The following CCDC74A variants were observed in gnomAD, a reference collection of about 807,000 sequenced individuals.
CCDC74A encodes coiled-coil domain-containing protein 74A.
A neutral mutation model predicts 37.6 loss-of-function variants in CCDC74A; 38 were observed. The ratio of observed to expected loss-of-function variants is 1.01; its 90% CI spans 0.78 to 1.33. The LOEUF is 1.33. CCDC74A is among the 40% of genes most tolerant of loss of function. CCDC74A has a pLI of 0.00. For missense variants in CCDC74A, 340 were observed against 403.4 expected (o/e 0.84, Z 1.35); for synonymous variants, 134 against 165.2 (o/e 0.81, Z 1.45).
chr2:131,522,667 C>T, the CCDC74A span, among the ~76,000 whole-genome samples: 21 of 152,132 alleles, frequency 1.4e-4, no homozygotes, highest in Non-Finnish European at 2.4e-4. Flanking sequence ...TGCCCCGAGG[C>T]AATCCCATTC....
chr2:131,526,159 T>TC, upstream of CCDC74A, among the ~76,000 whole-genome samples: 1 of 150,030 alleles, frequency 6.7e-6, no homozygotes, highest in Non-Finnish European at 1.5e-5. Flanking sequence ...TTTTTTTTTT[T>TC]TTTCTGAGAT....
chr2:131,531,638 G>A lies in CCDC74A; in HGVS notation c.347-26G>A, dbSNP rs368427302. On this transcript the variant is annotated intron_variant, in intron 3 of 7. Coordinates refer to ENST00000409856, the MANE Select transcript of CCDC74A (RefSeq NM_001258306.3). ...GTGCCTGCAGTGACCGGCCTTGTAG[G>A]GTCTGACTTGCAGCCAACTCTCAAG... 3,954 of 1,536,860 alleles carry A rather than the reference G, an allele frequency of 2.6e-3. 81 individuals carry two copies. The African/African-American group carries it at 0.058, about 23-fold the overall frequency.
chr2:131,530,094 C>G (rs1380770787), intron 2 of CCDC74A: 2 of 1,550,218 alleles, frequency 1.3e-6, no homozygotes, highest in Non-Finnish European at 1.7e-6. Flanking sequence ...TGCTGGGGGC[C>G]CAGGGGCTCT....
Position 131,532,858 on chromosome 2 carries a change from T to A in CCDC74A, c.679-6T>A, listed in dbSNP as rs375622068. On this transcript the variant is annotated splice_polypyrimidine_tract_variant and splice_region_variant and intron_variant, in intron 5 of 7. Transcript: ENST00000409856. ...GCCCCACCATGCCCCTGCCCCTGCCTTTCAGCTGCGGCACCTCAAGTCCCT... is the reference window on the plus strand; with the variant it reads ...GCCCCACCATGCCCCTGCCCCTGCCATTCAGCTGCGGCACCTCAAGTCCCT... The A allele has an allele frequency of 6.8e-6, 11 of 1,613,178 alleles. No homozygotes were observed. In the African/African-American group the frequency reaches 1.5e-4, roughly 22 times the overall value.
chr2:131,531,358 G>A (rs896592880), intron 3 of CCDC74A, among the ~76,000 whole-genome samples: 12 of 151,954 alleles, frequency 7.9e-5, no homozygotes, highest in Non-Finnish European at 1.2e-4. Context: ...TGTCCTTGCC[G>A]AGGAAACCCA....
chr2:131,533,647 T>G lies in CCDC74A; in HGVS notation c.*249T>G. On this transcript the variant is annotated 3_prime_UTR_variant, in exon 8 of 8. Coordinates refer to ENST00000409856, the MANE Select transcript of CCDC74A (RefSeq NM_001258306.3). Reference sequence around the variant, plus strand: ...TCGCCTTACCTGTTGAAACTGAAAATAAAGCTTGTTTATTTCCAAGTTGTG... The same window carrying G: ...TCGCCTTACCTGTTGAAACTGAAAAGAAAGCTTGTTTATTTCCAAGTTGTG... The G allele has an allele frequency of 5.6e-6, 3 of 534,946 alleles. No homozygotes were observed. 33.1% of individuals were successfully genotyped at this position (534,946 alleles called of 1,614,324 possible). A position where few individuals can be genotyped will look rare whatever the true frequency, so the allele number is the denominator to read the frequency against.
chr2:131,528,668 A>G (rs920296348), intron 1 of CCDC74A: 18 of 474,482 alleles, frequency 3.8e-5, no homozygotes, highest in Admixed American at 1.2e-4. Context: ...ACAATTAGCT[A>G]GGCGTGGTGG....
At chr2:131,523,766 G>A (rs1680206947), upstream of CCDC74A, among the ~76,000 whole-genome samples, 1 of 152,184 alleles carries the variant, frequency 6.6e-6, no homozygotes, top group Non-Finnish European at 1.5e-5. Flanking sequence ...TGTGCATTAA[G>A]AGACAAAGTA....
At chr2:131,525,216 T>C (rs1438784047), upstream of CCDC74A, among the ~76,000 whole-genome samples, 2 of 152,252 alleles carry the variant, frequency 1.3e-5, no homozygotes, top group Non-Finnish European at 2.9e-5. Flanking sequence ...CCTTCTCTAA[T>C]GCACTTCCCT....
At chr2:131,528,638 G>C in intron 1 of CCDC74A, 1 of 634,418 alleles carries the variant, frequency 1.6e-6, no homozygotes, top group Non-Finnish European at 2.8e-6. Flanking sequence ...GTGAAATCTC[G>C]TCTCTACTAA....
intron 2 of CCDC74A, chr2:131,530,357 T>G: frequency 3.9e-6 from 6 of 1,546,688 alleles, no homozygotes; most frequent in Non-Finnish European, 5.2e-6. Flanking sequence ...GCTGGGGCAG[T>G]GCCTAGGGCT....
In CCDC74A at chr2:131,530,811, G is replaced by A. The variant is rs765245001; in HGVS notation, c.330G>A (p.Lys110=). The A allele has an allele frequency of 6.2e-7, 1 of 1,606,650 alleles. No individual in the cohort carries two copies. The highest frequency in any genetic ancestry group is 1.1e-5 in the South Asian group (1 of 89,896). The change falls in exon 3 of 8, where the codon AAG becomes AAA. Residue 110 remains lysine (K), a synonymous_variant. Transcript: ENST00000409856. The part of the protein sequence containing the change: ...SLSMSSFQSV[K]SISNSGKARP... The stretch of plus-strand genomic sequence containing the variant: ...CCATGTCAAGCTTCCAGTCTGTCAA[G>A]TCCATCTCTAATTCAGGTGAGCAGG...
upstream of CCDC74A, among the ~76,000 whole-genome samples, chr2:131,525,679 T>G (rs1435500260): frequency 6.6e-6 from 1 of 150,804 alleles, no homozygotes; most frequent in African/African-American, 2.5e-5. Flanking sequence ...TCCTGAGTAG[T>G]TGGGATTACA....
chr2:131,530,590 G>A (rs1681079933), intron 2 of CCDC74A, 187 bp from the exon 3 acceptor site: 19 of 1,609,208 alleles, frequency 1.2e-5, no homozygotes, highest in Non-Finnish European at 1.6e-5. Flanking sequence ...TGGCCCCTCA[G>A]GAAACCACCT....
chr2:131,531,367 C>T (rs1223221515), intron 3 of CCDC74A, among the ~76,000 whole-genome samples: 1 of 151,998 alleles, frequency 6.6e-6, no homozygotes, highest in African/African-American at 2.4e-5. Flanking sequence ...CGAGGAAACC[C>T]ATGCAGGCTG....
chr2:131,530,242 G>T, intron 2 of CCDC74A: 1 of 1,546,862 alleles, frequency 6.5e-7, no homozygotes, highest in African/African-American at 1.4e-5. Flanking sequence ...CCCAGCCCAG[G>T]ATCCTGGGCT....
rs200432356 is a variant in CCDC74A, at chr2:131,532,592, G to A, written c.489G>A (p.Lys163=). ...KVPGVQGQAR[K]EKAEASNAGA... is the part of the protein sequence containing the mutation. ...GCTGCTGCAATGACTGTTTCAGAAA[G>A]GAGAAAGCAGAGGCCTCTAATGCAG... The change falls in exon 5 of 8, where the codon AAG becomes AAA. Residue 163 remains lysine, a synonymous_variant. Coordinates refer to ENST00000409856, the MANE Select transcript of CCDC74A (RefSeq NM_001258306.3). 2 of 1,574,412 alleles carry A rather than the reference G, an allele frequency of 1.3e-6. No homozygotes were observed. The highest frequency in any genetic ancestry group is 1.8e-5 in the Admixed American group (1 of 55,344).
upstream of CCDC74A, among the ~76,000 whole-genome samples, chr2:131,527,100 A>AATTT (rs947964341): frequency 2.7e-4 from 40 of 149,138 alleles, no homozygotes; most frequent in East Asian, 1.2e-3. Context: ...ATTATTTTTA[A>AATTT]ATTTATTTAT....
upstream of CCDC74A, among the ~76,000 whole-genome samples, chr2:131,525,448 G>T (rs1680265119): frequency 6.6e-6 from 1 of 151,882 alleles, no homozygotes; most frequent in African/African-American, 2.4e-5. Flanking sequence ...CAACTCTTGG[G>T]CTCAAGAGAT....
Sources: gnomAD v4.1 joint callset for allele counts (sites outside exome capture counted in the v4.1 genomes callset) on GRCh38, gnomAD v4.1.1 for gene constraint, MANE v1.5 for transcripts, NCBI Gene and HGNC (gene_info 2026-07-23, HGNC 2026-07-21) for gene names.